CLUL1: variants seen among roughly 807,000 people sequenced by gnomAD.
The protein encoded by CLUL1 is clusterin like 1.
Under a neutral mutation model 49.4 loss-of-function variants are expected in CLUL1, and 43 were observed. The ratio of observed to expected loss-of-function variants is 0.87; its 90% CI spans 0.68 to 1.12. CLUL1 has a LOEUF of 1.12. Ranked by LOEUF, CLUL1 falls within the 50% of genes most tolerant of loss-of-function variation. The pLI, the probability that CLUL1 is intolerant of heterozygous loss-of-function variation, is 0.00. For missense variants in CLUL1, 486 were observed against 544.4 expected (o/e 0.89, Z 1.07); for synonymous variants, 192 against 184.9 (o/e 1.04, Z -0.31).
At chr18:636,030 T>C (rs558465771) in intron 7 of CLUL1, among the ~76,000 whole-genome samples, 7 of 152,282 alleles carry the variant, frequency 4.6e-5, no homozygotes, top group African/African-American at 1.7e-4. Context: ...CCATCGCGCC[T>C]GGCCAACAAA....
rs2072670410 is a variant in CLUL1, at chr18:597,065, G to A, written c.-200G>A. Reference sequence around the variant, plus strand: ...TTGCTGACACCCTGTGCCCTCGGCTGACTTCCAGCCGGTGGCACAGACGCC... The same window carrying A: ...TTGCTGACACCCTGTGCCCTCGGCTAACTTCCAGCCGGTGGCACAGACGCC... On this transcript the variant is annotated 5_prime_UTR_variant, in exon 1 of 10. Transcript: ENST00000692774. 1 of 152,726 alleles carries A rather than the reference G, an allele frequency of 6.5e-6. No individual in the cohort carries two copies. Among genetic ancestry groups the A allele is most frequent in the African/African-American group, 2.4e-5 (1 of 41,474 alleles). 9.5% of individuals were successfully genotyped at this position (152,726 alleles called of 1,614,324 possible). A position where few individuals can be genotyped will look rare whatever the true frequency, so the allele number is the denominator to read the frequency against.
At chr18:614,379 GAGGAAGGAA>G (rs966214492) in intron 2 of CLUL1, 1 of 151,802 alleles carries the variant, frequency 6.6e-6, no homozygotes, top group Non-Finnish European at 1.5e-5. Context: ...AAAAAGAAGA[GAGGAAGGAA>G]AGGAAGGATA....
intron 4 of CLUL1, among the ~76,000 whole-genome samples, chr18:620,631 A>G (rs1013647679): frequency 7.2e-5 from 11 of 152,326 alleles, no homozygotes; most frequent in East Asian, 1.9e-4. Flanking sequence ...TGTATATCCA[A>G]TAATGCATCA....
chr18:625,068 T>C lies in CLUL1; in HGVS notation c.423+36T>C, dbSNP rs778726754. 1.2e-5 allele frequency: 19 copies of C among 1,598,610 alleles called. No individual in the cohort carries two copies. The Middle Eastern group carries it at 5.0e-4, about 42-fold the overall frequency. ...AAGAGAGCTCAAGATTTCACAGTTC[T>C]TGAGGCACCTATTTCAGCTTACTTT... On this transcript the variant is annotated intron_variant, in intron 5 of 9. Coordinates refer to ENST00000692774, the MANE Select transcript of CLUL1 (RefSeq NM_001393344.1).
intron 7 of CLUL1, among the ~76,000 whole-genome samples, chr18:634,703 G>C (rs994470411): frequency 6.6e-6 from 1 of 152,024 alleles, no homozygotes; most frequent in Non-Finnish European, 1.5e-5. Context: ...CCCATTGGTG[G>C]GTTAATGAAC....
chr18:649,943 C>A lies in CLUL1; in HGVS notation c.*42C>A. On this transcript the variant is annotated 3_prime_UTR_variant, in exon 10 of 10. Transcript: ENST00000692774. ...CTATATCCAGTAAGTAGAATTATCTCTTCATCTGGGACCTGGAAATCCTGA... is the reference window on the plus strand; with the variant it reads ...CTATATCCAGTAAGTAGAATTATCTATTCATCTGGGACCTGGAAATCCTGA... 8.0e-7 allele frequency: 1 copy of A among 1,247,736 alleles called. No homozygotes were observed. Among genetic ancestry groups the A allele is most frequent in the Non-Finnish European group, 1.1e-6 (1 of 878,788 alleles). The allele number at this position is 1,247,736 out of a possible 1,614,324, so 77.3% of individuals were successfully genotyped here.
At chr18:607,397 G>A (rs2073006410) in intron 2 of CLUL1, among the ~76,000 whole-genome samples, 1 of 152,166 alleles carries the variant, frequency 6.6e-6, no homozygotes, top group African/African-American at 2.4e-5. Context: ...CCAAAGTGCT[G>A]GGATTACAGG....
In CLUL1 at chr18:618,946, T is replaced by A. The variant is rs1463106706; in HGVS notation, c.107-267T>A. 6.6e-6 allele frequency among the ~76,000 whole-genome samples: 1 copy of A among 151,976 alleles called. No homozygotes were observed. The highest frequency in any genetic ancestry group is 1.5e-5 in the Non-Finnish European group (1 of 67,990). ...AAATGAAAGAAAAAAAATGGATAAA[T>A]GAAAACAGGGCCTGAGCAAGATGAC... is the stretch of plus-strand genomic sequence containing the variant. On this transcript the variant is annotated intron_variant, in intron 3 of 9. Coordinates refer to ENST00000692774, the MANE Select transcript of CLUL1 (RefSeq NM_001393344.1). This position sits in a 1 kb window ranked among gnomAD's most constrained non-coding sequence, Gnocchi z 4.2.
chr18:602,016 C>T (rs898449922), intron 1 of CLUL1, among the ~76,000 whole-genome samples: 1 of 151,928 alleles, frequency 6.6e-6, no homozygotes, highest in Non-Finnish European at 1.5e-5. Context: ...AGGCCAGGAG[C>T]TCAAGACCAG....
chr18:617,507 A>C (rs561930808), intron 2 of CLUL1, among the ~76,000 whole-genome samples: 20 of 150,418 alleles, frequency 1.3e-4, no homozygotes, highest in African/African-American at 4.9e-4. Flanking sequence ...AGGCAGGAGA[A>C]TCACTTGAAC....
At chr18:613,858 CAGCAATCTCTA>C (rs1444981740) in intron 2 of CLUL1, among the ~76,000 whole-genome samples, 1 of 152,186 alleles carries the variant, frequency 6.6e-6, no homozygotes, top group African/African-American at 2.4e-5. Context: ...TTGACCTGCT[CAGCAATCTCTA>C]AGCAAGATAG....
intron 4 of CLUL1, among the ~76,000 whole-genome samples, chr18:620,574 A>G (rs1001892536): frequency 6.6e-6 from 1 of 152,234 alleles, no homozygotes; most frequent in Non-Finnish European, 1.5e-5. Flanking sequence ...CATCACATAC[A>G]GTTGGGCACA....
At chr18:612,828 G>T (rs748249345) in intron 2 of CLUL1, 2 of 153,586 alleles carry the variant, frequency 1.3e-5, no homozygotes, top group Non-Finnish European at 2.9e-5. Flanking sequence ...CTCCGGTGCA[G>T]AATGTAATGA....
chr18:641,428 A>C lies in CLUL1; in HGVS notation c.1096A>C (p.Lys366Gln). The C allele has an allele frequency of 6.2e-7, 1 of 1,614,200 alleles. No individual in the cohort carries two copies. The highest frequency in any genetic ancestry group is 8.5e-7 in the Non-Finnish European group (1 of 1,180,036). ...QYGQILQMTRKHLEDTAYLVE... is the reference protein window; with the variant it reads ...QYGQILQMTRQHLEDTAYLVE... ...TGGCCAGATTCTCCAGATGACCCGGAAGCACTTGGAGGACACCGCCTATCT... is the reference window on the plus strand; with the variant it reads ...TGGCCAGATTCTCCAGATGACCCGGCAGCACTTGGAGGACACCGCCTATCT... Residue 366 changes from lysine (K) to glutamine (Q), a missense_variant, in exon 8 of 10, where the codon AAG becomes CAG. Coordinates refer to ENST00000692774, the MANE Select transcript of CLUL1 (RefSeq NM_001393344.1).
chr18:640,027 T>C (rs945463046), intron 7 of CLUL1, among the ~76,000 whole-genome samples: 1 of 152,150 alleles, frequency 6.6e-6, no homozygotes, highest in South Asian at 2.1e-4. Flanking sequence ...CAGACCAAAA[T>C]AATTTACATC....
intron 1 of CLUL1, among the ~76,000 whole-genome samples, chr18:605,970 G>A (rs62090068): frequency 0.21 from 31,333 of 152,102 alleles, 4,374 homozygotes; most frequent in African/African-American, 0.39. Context: ...CAGCCCCAGT[G>A]TAGTCGTTTT....
chr18:649,650 A>C (rs2074619468), intron 9 of CLUL1: 1 of 426,460 alleles, frequency 2.3e-6, no homozygotes. Context: ...TTATTATCAC[A>C]TCAGAGGAAA....
At chr18:641,983 T>C (rs2074357047) in intron 8 of CLUL1, among the ~76,000 whole-genome samples, 1 of 152,206 alleles carries the variant, frequency 6.6e-6, no homozygotes, top group Non-Finnish European at 1.5e-5. Context: ...GTAACAATCA[T>C]AGCTATCTTA....
intron 4 of CLUL1, among the ~76,000 whole-genome samples, chr18:622,364 T>A (rs935896548): frequency 1.3e-5 from 2 of 152,194 alleles, no homozygotes; most frequent in South Asian, 4.1e-4. Flanking sequence ...GCTATGTTGC[T>A]CAGGCTGGTC....
Sources: gnomAD v4.1 joint callset for allele counts (sites outside exome capture counted in the v4.1 genomes callset) on GRCh38, gnomAD v4.1.1 for gene constraint, Gnocchi (gnomAD v3.1) non-coding constraint, MANE v1.5 for transcripts, NCBI Gene and HGNC (gene_info 2026-07-23, HGNC 2026-07-21) for gene names.